Variants in PDE4D observed in about 807,000 individuals in gnomAD.
PDE4D encodes the protein 3',5'-cyclic-AMP phosphodiesterase 4D.
In PDE4D, 24 loss-of-function variants were observed where a neutral mutation model predicts 87.4. The observed-to-expected ratio is 0.27, with a 90% confidence interval of 0.20 to 0.39. The LOEUF is 0.39. Among genes scored for constraint, PDE4D ranks in the 10% least tolerant of loss-of-function variants. The pLI, the probability that PDE4D is intolerant of heterozygous loss-of-function variation, is 1.00. For missense variants in PDE4D, 714 were observed against 1,041.0 expected, an observed-to-expected ratio of 0.69 and a Z score of 4.32; for synonymous variants, 384 against 383.2, an observed-to-expected ratio of 1.00 and a Z score of -0.02.
intron 1 of PDE4D, among the ~76,000 whole-genome samples, chr5:59,688,709 T>A (rs298076): frequency 0.42 from 64,091 of 151,676 alleles, 14,180 homozygotes; most frequent in East Asian, 0.69. Flanking sequence ...AGGCAAGAAA[T>A]AACTAAGATC....
chr5:59,349,931 G>A (rs1009418816), intron 1 of PDE4D, among the ~76,000 whole-genome samples: 2 of 152,072 alleles, frequency 1.3e-5, no homozygotes, highest in Non-Finnish European at 2.9e-5. Flanking sequence ...CACTCAAACT[G>A]TATCTCCCCT....
intron 1 of PDE4D, among the ~76,000 whole-genome samples, chr5:59,771,540 AAGAAAGAAAG>A (rs1260661716): frequency 2.0e-5 from 3 of 149,156 alleles, no homozygotes; most frequent in African/African-American, 7.7e-5. Flanking sequence ...GAAAGAAAGA[AAGAAAGAAAG>A]AAAAGAAAGA....
chr5:60,095,371 G>A (rs563713559), intron 2 of PDE4D, among the ~76,000 whole-genome samples: 237 of 152,262 alleles, frequency 1.6e-3, no homozygotes, highest in Middle Eastern at 3.4e-3. Context: ...CCCTGAAAAG[G>A]ACAAGAGCTC....
chr5:60,370,976 C>T (rs1010731022), intron 1 of PDE4D, among the ~76,000 whole-genome samples: 2 of 152,128 alleles, frequency 1.3e-5, no homozygotes, highest in Non-Finnish European at 2.9e-5. Flanking sequence ...ATTTCTCTCC[C>T]TAGGAGACCA....
chr5:59,869,442 G>A (rs1031103265), intron 1 of PDE4D, among the ~76,000 whole-genome samples: 2 of 152,150 alleles, frequency 1.3e-5, no homozygotes, highest in African/African-American at 4.8e-5. Flanking sequence ...GTGATGTCAC[G>A]AATGATACAA....
chr5:59,432,887 GAATA>G lies in PDE4D; in HGVS notation c.456-216923_456-216920del, dbSNP rs112124478. 7.2e-5 allele frequency among the ~76,000 whole-genome samples: 11 copies of G among 152,168 alleles called. 2 individuals carry two copies. Among genetic ancestry groups the G allele is most frequent in the African/African-American group, 2.6e-4 (11 of 41,526 alleles). ...TTATTAATTTGCATAATTATGAAGA[GAATA>G]AATATAGCAAAAATTCTGTTATGTT... On this transcript the variant is annotated intron_variant, in intron 1 of 14. Coordinates refer to ENST00000340635, the MANE Select transcript of PDE4D (RefSeq NM_001104631.2).
chr5:59,564,771 G>A (rs1457936851), intron 1 of PDE4D, among the ~76,000 whole-genome samples: 1 of 152,188 alleles, frequency 6.6e-6, no homozygotes, highest in Non-Finnish European at 1.5e-5. Flanking sequence ...CCATTTGTGT[G>A]AGTGAGAAAG....
chr5:60,465,059 T>A (rs2150179636), intron 1 of PDE4D, among the ~76,000 whole-genome samples: 1 of 152,132 alleles, frequency 6.6e-6, no homozygotes, highest in South Asian at 2.1e-4. Context: ...CAGTGAGTTA[T>A]AATCGCACCA....
At chr5:59,896,358 T>C (rs1041233402), upstream of PDE4D, among the ~76,000 whole-genome samples, 1 of 151,884 alleles carries the variant, frequency 6.6e-6, no homozygotes, top group Non-Finnish European at 1.5e-5. Context: ...GAATATCACC[T>C]GGGGGAGCTT....
chr5:60,214,880 C>G (rs1454241468), intron 1 of PDE4D, among the ~76,000 whole-genome samples: 1 of 152,152 alleles, frequency 6.6e-6, no homozygotes, highest in African/African-American at 2.4e-5. Context: ...CCACTCAATA[C>G]TTAAAGTTCC....
chr5:59,327,452 G>C (rs1775925699), intron 1 of PDE4D, among the ~76,000 whole-genome samples: 1 of 152,058 alleles, frequency 6.6e-6, no homozygotes, highest in Admixed American at 6.6e-5. Context: ...GTGCAAATGA[G>C]CTACCTTAAG....
chr5:59,261,667 T>A (rs76375231), intron 1 of PDE4D, among the ~76,000 whole-genome samples: 2,051 of 151,916 alleles, frequency 0.014, 19 homozygotes, highest in Non-Finnish European at 0.019. Context: ...GTTCCCTCTC[T>A]ACAGATACAT....
chr5:59,601,818 G>A (rs1685766351), intron 1 of PDE4D, among the ~76,000 whole-genome samples: 1 of 152,040 alleles, frequency 6.6e-6, no homozygotes, highest in South Asian at 2.1e-4. Flanking sequence ...TAGCTAACTT[G>A]TACTGCTAGG....
chr5:59,072,496 G>A (rs956781040), intron 5 of PDE4D, among the ~76,000 whole-genome samples: 2 of 152,150 alleles, frequency 1.3e-5, no homozygotes, highest in African/African-American at 2.4e-5. Context: ...TCTTCAACCT[G>A]CCTAGGCCCC....
chr5:59,865,298 G>A (rs184656625), intron 1 of PDE4D, among the ~76,000 whole-genome samples: 129 of 152,300 alleles, frequency 8.5e-4, no homozygotes, highest in African/African-American at 2.8e-3. Context: ...TTCGAAAACT[G>A]TATGAGTAAC....
In PDE4D at chr5:60,477,498, A is replaced by T. The variant is rs568164086; in HGVS notation, c.-90+10444T>A. Among the ~76,000 whole-genome samples the T allele has an allele frequency of 2.6e-5, 4 of 152,292 alleles. No homozygotes were observed. In the East Asian group the frequency reaches 7.7e-4, roughly 29 times the overall value. On this transcript the variant is annotated intron_variant, in intron 1 of 16. Transcript: ENST00000502484. ...TGGTTTGATTTTACACAGTATGTAA[A>T]AGTTAAATTTCCAAAAGGGAGGCTG...
intron 1 of PDE4D, among the ~76,000 whole-genome samples, chr5:60,520,663 A>G (rs1235918228): frequency 6.6e-6 from 1 of 152,308 alleles, no homozygotes; most frequent in East Asian, 1.9e-4. Flanking sequence ...GGCACTGAGG[A>G]GGAAAGGGCT....
intron 2 of PDE4D, among the ~76,000 whole-genome samples, chr5:60,080,098 T>C (rs1182349133): frequency 1.3e-5 from 2 of 152,182 alleles, no homozygotes; most frequent in Non-Finnish European, 2.9e-5. Context: ...TCACATCCCT[T>C]GTTAGCTCTA....
At chr5:60,227,448 C>T (rs551628366) in intron 1 of PDE4D, among the ~76,000 whole-genome samples, 15 of 151,610 alleles carry the variant, frequency 9.9e-5, no homozygotes, top group Non-Finnish European at 1.8e-4. Flanking sequence ...CGGATGAGTC[C>T]CTGGCTACAG....
Sources: allele counts gnomAD v4.1 joint callset (sites outside exome capture counted in the v4.1 genomes callset), GRCh38; gene constraint gnomAD v4.1.1; transcripts MANE v1.5; gene names NCBI Gene and HGNC (gene_info 2026-07-23, HGNC 2026-07-21).